RAD18: variants seen among roughly 807,000 people sequenced by gnomAD.
The protein encoded by RAD18 is RAD18 E3 ubiquitin protein ligase.
RAD18 carries 47 observed loss-of-function variants against 60.4 expected under a neutral mutation model. The ratio of observed to expected loss-of-function variants is 0.78; its 90% CI spans 0.62 to 0.99. The LOEUF (loss-of-function observed/expected upper bound fraction) is 0.99, where lower values mean the gene tolerates loss of function less well. Ranked by LOEUF, RAD18 falls within the 50% of genes least tolerant of loss-of-function variation. The pLI is 0.00. For missense variants in RAD18, 640 were observed against 593.3 expected, an observed-to-expected ratio of 1.08 and a Z score of -0.82; for synonymous variants, 225 against 195.5, an observed-to-expected ratio of 1.15 and a Z score of -1.26.
chr3:8,884,787 A>C (rs531504396), intron 12 of RAD18, among the ~76,000 whole-genome samples: 1 of 152,244 alleles, frequency 6.6e-6, no homozygotes, highest in African/African-American at 2.4e-5. Context: ...CAATTCTCTA[A>C]AACACCTCAT....
intron 7 of RAD18, among the ~76,000 whole-genome samples, chr3:8,920,695 C>A (rs1180800273): frequency 2.0e-5 from 3 of 152,142 alleles, no homozygotes; most frequent in African/African-American, 7.2e-5. Context: ...AAGGCATAAT[C>A]TGAATTTTCT....
chr3:8,951,748 G>A lies in RAD18; in HGVS notation c.134-3178C>T, dbSNP rs1368707268. Among the ~76,000 whole-genome samples, 5 of 152,312 alleles carry A rather than the reference G, an allele frequency of 3.3e-5. No individual in the cohort carries two copies. The East Asian group carries it at 9.6e-4, about 29-fold the overall frequency. ...ACAGCAATGGTACAAAAGACTACAG[G>A]AAAGCATTTCTTAGCTTGAGCTGCC... On this transcript the variant is annotated intron_variant, in intron 2 of 12. Transcript: ENST00000264926.
intron 11 of RAD18, among the ~76,000 whole-genome samples, chr3:8,898,603 G>C (rs905221530): frequency 1.3e-5 from 2 of 151,510 alleles, no homozygotes; most frequent in African/African-American, 4.9e-5. Context: ...TTTACTCATC[G>C]TCTTGACAAA....
At chr3:8,901,893 G>A (rs1209644888) in intron 10 of RAD18, among the ~76,000 whole-genome samples, 1 of 152,076 alleles carries the variant, frequency 6.6e-6, no homozygotes, top group East Asian at 1.9e-4. Flanking sequence ...TTTGTTCACT[G>A]GTCCAAAGCC....
At chr3:8,953,816 T>C (rs1264519274) in intron 2 of RAD18, among the ~76,000 whole-genome samples, 1 of 145,370 alleles carries the variant, frequency 6.9e-6, no homozygotes, top group Admixed American at 6.9e-5. Context: ...GCCAGCAATC[T>C]TTTTTTTTTT....
At chr3:8,923,934 C>A (rs1369365075) in intron 7 of RAD18, among the ~76,000 whole-genome samples, 1 of 152,186 alleles carries the variant, frequency 6.6e-6, no homozygotes, top group Non-Finnish European at 1.5e-5. Context: ...TGGAAAGGAA[C>A]AACCAGTACC....
chr3:8,912,306 A>C lies in RAD18; in HGVS notation c.1027+6T>G. The C allele has an allele frequency of 6.4e-7, 1 of 1,551,180 alleles. No individual in the cohort carries two copies. Among genetic ancestry groups the C allele is most frequent in the Non-Finnish European group, 8.7e-7 (1 of 1,147,992 alleles). On this transcript the variant is annotated splice_donor_region_variant and intron_variant, in intron 9 of 12. Coordinates refer to ENST00000264926, the MANE Select transcript of RAD18 (RefSeq NM_020165.4). ...TTTACAAATTAAATAAAGTCGTGCA[A>C]CTTACGATATTTACTGTGGATTTCA...
chr3:8,952,697 T>G (rs1416137128), intron 2 of RAD18, among the ~76,000 whole-genome samples: 1 of 152,212 alleles, frequency 6.6e-6, no homozygotes, highest in Non-Finnish European at 1.5e-5. Context: ...TTCTAAGCAC[T>G]TTACATGTAT....
chr3:8,923,039 C>T (rs544876618), intron 7 of RAD18, among the ~76,000 whole-genome samples: 1 of 152,310 alleles, frequency 6.6e-6, no homozygotes, highest in African/African-American at 2.4e-5. Context: ...AGCTCCTCAC[C>T]AGCAACAGAA....
At chr3:8,896,173 T>C (rs1472984778) in intron 11 of RAD18, among the ~76,000 whole-genome samples, 1 of 152,210 alleles carries the variant, frequency 6.6e-6, no homozygotes, top group Non-Finnish European at 1.5e-5. Context: ...ACTCTTATTT[T>C]CAGAAGAACA....
chr3:8,901,316 G>A (rs929674220), intron 10 of RAD18, among the ~76,000 whole-genome samples: 4 of 152,048 alleles, frequency 2.6e-5, no homozygotes, highest in African/African-American at 7.2e-5. Context: ...ATCAGAAATC[G>A]CACTCTAAGC....
intron 7 of RAD18, among the ~76,000 whole-genome samples, chr3:8,915,843 A>G (rs1940190873): frequency 6.6e-6 from 1 of 152,094 alleles, no homozygotes; most frequent in African/African-American, 2.4e-5. Context: ...TCGGCCTCCC[A>G]AAGTGCTGGG....
chr3:8,943,430 A>G (rs533385960), intron 4 of RAD18, among the ~76,000 whole-genome samples: 1 of 152,288 alleles, frequency 6.6e-6, no homozygotes, highest in African/African-American at 2.4e-5. Context: ...GCAAAATACC[A>G]TATCTAAATT....
At position 8,947,302 on chromosome 3, in the gene RAD18, AAAC is replaced by A; in HGVS notation, c.196-15_196-13del. ...GGCTCTGTGACAGTCTAGAAAAAACAAACAACAGATGGAAAAAGGTCAAAAACA... is the reference window on the plus strand; with the variant it reads ...GGCTCTGTGACAGTCTAGAAAAAACAAACAGATGGAAAAAGGTCAAAAACA... On this transcript the variant is annotated splice_polypyrimidine_tract_variant and intron_variant, in intron 3 of 12. Coordinates refer to ENST00000264926, the MANE Select transcript of RAD18 (RefSeq NM_020165.4). 1 of 1,585,200 alleles carries A rather than the reference AAAC, an allele frequency of 6.3e-7. No homozygotes were observed. Among genetic ancestry groups the A allele is most frequent in the Non-Finnish European group, 8.7e-7 (1 of 1,155,858 alleles).
At chr3:8,913,428 G>A (rs45582736) in intron 8 of RAD18, among the ~76,000 whole-genome samples, 26 of 152,118 alleles carry the variant, frequency 1.7e-4, no homozygotes, top group East Asian at 1.2e-3. Flanking sequence ...TAGAACTCTA[G>A]CTCATGAACA....
Position 8,918,049 on chromosome 3 carries a change from G to A in RAD18, c.890-4329C>T, listed in dbSNP as rs7612332. ...AGTGAAATTAGGGGCCGGGCGCAGT[G>A]GGTCATGCCTGTAATCCCAGCACTT... On this transcript the variant is annotated intron_variant, in intron 7 of 12. Transcript: ENST00000264926. Among the ~76,000 whole-genome samples the A allele has an allele frequency of 6.4e-3, 982 of 152,308 alleles. 9 individuals are homozygous for A. Among genetic ancestry groups the A allele is most frequent in the Middle Eastern group, 0.034 (10 of 294 alleles).
At chr3:8,922,558 G>C (rs1395209258) in intron 7 of RAD18, among the ~76,000 whole-genome samples, 2 of 152,202 alleles carry the variant, frequency 1.3e-5, no homozygotes, top group Non-Finnish European at 2.9e-5. Context: ...TGACAGCTTG[G>C]AAGACAGCAG....
At chr3:8,941,874 C>A in intron 4 of RAD18, 70 bp from the exon 5 acceptor site, 2 of 1,382,260 alleles carry the variant, frequency 1.4e-6, no homozygotes, top group Non-Finnish European at 9.9e-7. Context: ...CTGACATAAG[C>A]TGTTTTCCCA....
rs1360980158 is a variant in RAD18 at position 8,963,378 on chromosome 3, G to A, written c.8C>T (p.Ser3Phe). 2.2e-5 allele frequency: 35 copies of A among 1,609,216 alleles called. No homozygotes were observed. The highest frequency in any genetic ancestry group is 2.9e-5 in the Non-Finnish European group (34 of 1,177,904). The part of the protein sequence containing the change: MD[S>F]LAESRWPPGL... ...CGGAGGCCACCGAGACTCGGCCAGG[G>A]AGTCCATGGTCGCTCCCGAGGATGC... The change falls in exon 1 of 13, where the codon TCC becomes TTC. Residue 3 changes from serine (S) to phenylalanine (F), a missense_variant. Physicochemically the swap from Ser to Phe is radical, Grantham distance 155. Coordinates refer to ENST00000264926, the MANE Select transcript of RAD18 (RefSeq NM_020165.4).
Sources: allele counts gnomAD v4.1 joint callset (sites outside exome capture counted in the v4.1 genomes callset), GRCh38; gene constraint gnomAD v4.1.1; transcripts MANE v1.5; gene names NCBI Gene and HGNC (gene_info 2026-07-23, HGNC 2026-07-21).